PIK3C2G: variants seen among roughly 807,000 people sequenced by gnomAD.
The protein encoded by PIK3C2G is phosphatidylinositol-4-phosphate 3-kinase catalytic subunit type 2 gamma.
A neutral mutation model predicts 181.1 loss-of-function variants in PIK3C2G; 168 were observed. That is an observed-to-expected ratio of 0.93 (90% confidence interval 0.82 to 1.05). PIK3C2G has a LOEUF of 1.05. Ranked by LOEUF, PIK3C2G falls within the 50% of genes least tolerant of loss-of-function variation. PIK3C2G has a pLI of 0.00. For synonymous variants in PIK3C2G, 573 were observed against 592.2 expected, an observed-to-expected ratio of 0.97 and a Z score of 0.47; for missense variants, 1,869 against 1,732.8, an observed-to-expected ratio of 1.08 and a Z score of -1.40.
Position 18,613,722 on chromosome 12 carries a change from A to G in PIK3C2G, c.4182+4093A>G, listed in dbSNP as rs560685342. On this transcript the variant is annotated intron_variant, in intron 31 of 32. Transcript: ENST00000538779. ...TCTTTCCTCTCTCCTGCTGCATAAT[A>G]TGAGCATTCCAGAAGCCTCTCTGGT... Among the ~76,000 whole-genome samples the G allele has an allele frequency of 1.1e-4, 17 of 152,106 alleles. No individual in the cohort carries two copies. In the South Asian group the frequency reaches 2.9e-3, roughly 26 times the overall value.
In PIK3C2G at chr12:18,362,756, C is replaced by A. The variant is rs556518127; in HGVS notation, c.1626-8C>A. 1 of 1,504,670 alleles carries A rather than the reference C, an allele frequency of 6.6e-7. No homozygotes were observed. Among genetic ancestry groups the A allele is most frequent in the South Asian group, 1.3e-5 (1 of 77,664 alleles). 93.2% of individuals were successfully genotyped at this position (1,504,670 alleles called of 1,614,324 possible). ...TAAGCATATTGAATTGATGTTGTTT[C>A]ATTTTAGCTACAAAGCGTTTTCTTT... is the stretch of plus-strand genomic sequence containing the variant. On this transcript the variant is annotated splice_region_variant and splice_polypyrimidine_tract_variant and intron_variant, in intron 11 of 32. Coordinates refer to ENST00000538779, the MANE Select transcript of PIK3C2G (RefSeq NM_001288772.2).
intron 13 of PIK3C2G, among the ~76,000 whole-genome samples, chr12:18,376,255 A>T (rs941197634): frequency 2.6e-5 from 4 of 152,176 alleles, no homozygotes; most frequent in African/African-American, 9.6e-5. Context: ...CCACCATTGT[A>T]TCCGTGTGCT....
intron 28 of PIK3C2G, among the ~76,000 whole-genome samples, chr12:18,565,627 G>C (rs1290415528): frequency 6.6e-6 from 1 of 152,008 alleles, no homozygotes. Flanking sequence ...TCAGACAAAA[G>C]GTCATTAAAA....
chr12:18,594,019 T>C (rs1389371443), intron 29 of PIK3C2G, among the ~76,000 whole-genome samples: 1 of 151,930 alleles, frequency 6.6e-6, no homozygotes, highest in African/African-American at 2.4e-5. Context: ...GCCTCTCTTT[T>C]AAATTCCTCA....
At chr12:18,583,789 G>A (rs1456423729) in intron 29 of PIK3C2G, among the ~76,000 whole-genome samples, 3 of 151,854 alleles carry the variant, frequency 2.0e-5, no homozygotes, top group Admixed American at 2.0e-4. Context: ...AAAAATGCAG[G>A]AGCTCCAGCA....
the PIK3C2G span, chr12:18,696,395 C>G: frequency 9.4e-6 from 2 of 212,438 alleles, no homozygotes; most frequent in African/African-American, 3.0e-5. Context: ...TATGTATTGT[C>G]TTGGCAAAAA....
At chr12:18,699,517 C>G in the PIK3C2G span, among the ~76,000 whole-genome samples, 1 of 152,112 alleles carries the variant, frequency 6.6e-6, no homozygotes, top group South Asian at 2.1e-4. Flanking sequence ...CTCTCCTATA[C>G]AAGCTGCTCA....
chr12:18,577,898 G>A (rs575576399), intron 29 of PIK3C2G, among the ~76,000 whole-genome samples: 2 of 152,308 alleles, frequency 1.3e-5, no homozygotes, highest in South Asian at 4.1e-4. Flanking sequence ...GGACAGTGAG[G>A]AGCCTCGGCG....
chr12:18,561,739 T>C (rs1279727121), intron 26 of PIK3C2G, among the ~76,000 whole-genome samples: 3 of 150,728 alleles, frequency 2.0e-5, no homozygotes, highest in African/African-American at 4.9e-5. Flanking sequence ...ATGCAAACTT[T>C]CTTAAATACA....
the PIK3C2G span, among the ~76,000 whole-genome samples, chr12:18,665,180 T>A: frequency 2.7e-5 from 4 of 149,774 alleles, no homozygotes; most frequent in East Asian, 1.9e-4. Flanking sequence ...TAAAAAAAAA[T>A]TAAAAAAAAT....
the PIK3C2G span, among the ~76,000 whole-genome samples, chr12:18,665,337 T>C: frequency 6.6e-6 from 1 of 152,022 alleles, no homozygotes; most frequent in Non-Finnish European, 1.5e-5. Flanking sequence ...AGAATGTATT[T>C]AATACCACTG....
At chr12:18,695,716 G>T in the PIK3C2G span, among the ~76,000 whole-genome samples, 3 of 152,162 alleles carry the variant, frequency 2.0e-5, no homozygotes, top group Admixed American at 6.5e-5. Context: ...ATAAGAGTCT[G>T]GTGAGGGCAA....
chr12:18,324,502 C>A (rs1951248032), intron 7 of PIK3C2G, among the ~76,000 whole-genome samples: 2 of 152,098 alleles, frequency 1.3e-5, no homozygotes, highest in African/African-American at 2.4e-5. Flanking sequence ...TTTTGAACAG[C>A]GAAGCTCAGA....
At chr12:18,317,451 G>A (rs1433903988) in intron 6 of PIK3C2G, among the ~76,000 whole-genome samples, 1 of 152,036 alleles carries the variant, frequency 6.6e-6, no homozygotes, top group East Asian at 1.9e-4. Context: ...AGTAACAATT[G>A]ATTAATTTAA....
chr12:18,683,967 A>G, the PIK3C2G span, among the ~76,000 whole-genome samples: 479 of 152,070 alleles, frequency 3.1e-3, 4 homozygotes, highest in African/African-American at 0.011. Flanking sequence ...CCACATGAGA[A>G]CACATTTTTA....
intron 30 of PIK3C2G, among the ~76,000 whole-genome samples, chr12:18,598,866 A>G (rs1165499257): frequency 1.3e-5 from 2 of 151,984 alleles, no homozygotes; most frequent in Admixed American, 6.6e-5. Flanking sequence ...TCAAAAGAAG[A>G]CATTTATGCA....
the PIK3C2G span, among the ~76,000 whole-genome samples, chr12:18,719,011 G>A: frequency 6.6e-6 from 1 of 152,094 alleles, no homozygotes; most frequent in African/African-American, 2.4e-5. Flanking sequence ...ACAATGTACT[G>A]TATTTATGTG....
At chr12:18,495,412 G>A (rs1190524139) in intron 20 of PIK3C2G, among the ~76,000 whole-genome samples, 2 of 152,024 alleles carry the variant, frequency 1.3e-5, no homozygotes, top group African/African-American at 4.8e-5. Flanking sequence ...AATATATGTT[G>A]TACTGCTATT....
intron 1 of PIK3C2G, among the ~76,000 whole-genome samples, chr12:18,264,083 C>T (rs1462849682): frequency 2.6e-5 from 4 of 152,094 alleles, no homozygotes; most frequent in Non-Finnish European, 5.9e-5. Flanking sequence ...TCATTCTTTG[C>T]TTCCTACCGG....
Sources: allele counts gnomAD v4.1 joint callset (sites outside exome capture counted in the v4.1 genomes callset), GRCh38; gene constraint gnomAD v4.1.1; transcripts MANE v1.5; gene names NCBI Gene and HGNC (gene_info 2026-07-23, HGNC 2026-07-21).